Variants in ENOPH1 observed in about 807,000 individuals in gnomAD.
ENOPH1 encodes enolase-phosphatase 1, also known as enolase-phosphatase E1.
A neutral mutation model predicts 31.1 loss-of-function variants in ENOPH1; 14 were observed. The ratio of observed to expected loss-of-function variants is 0.45; its 90% CI spans 0.30 to 0.70. ENOPH1 has a LOEUF of 0.70. Among genes scored for constraint, ENOPH1 ranks in the 30% least tolerant of loss-of-function variants. The pLI is 0.09. For synonymous variants in ENOPH1, 127 were observed against 123.2 expected, an observed-to-expected ratio of 1.03 and a Z score of -0.21; for missense variants, 243 against 321.5, an observed-to-expected ratio of 0.76 and a Z score of 1.87.
chr4:82,446,867 C>T (rs534382708), intron 1 of ENOPH1, among the ~76,000 whole-genome samples: 7 of 147,006 alleles, frequency 4.8e-5, no homozygotes, highest in Admixed American at 2.0e-4. Flanking sequence ...CCACCGCGCC[C>T]GGCTAATTTT....
rs552128643 is a variant in ENOPH1 at position 82,430,967 on chromosome 4, T to C, written c.84+54T>C. ...ACTTTTCCTTAAAAACAGTTATTAT[T>C]TTTTCTAAGTATTTCAGGCCTTGCA... On this transcript the variant is annotated intron_variant, in intron 1 of 5. Transcript: ENST00000273920. 638 of 1,533,370 alleles carry C rather than the reference T, an allele frequency of 4.2e-4. 1 individual carries two copies. Among genetic ancestry groups the C allele is most frequent in the Non-Finnish European group, 5.5e-4 (606 of 1,109,514 alleles). 95.0% of individuals were successfully genotyped at this position (1,533,370 alleles called of 1,614,324 possible). A position where few individuals can be genotyped will look rare whatever the true frequency, so the allele number is the denominator to read the frequency against.
At chr4:82,434,382 G>A (rs1312020189) in intron 1 of ENOPH1, among the ~76,000 whole-genome samples, 3 of 152,156 alleles carry the variant, frequency 2.0e-5, no homozygotes, top group African/African-American at 4.8e-5. Context: ...TCAGGAGTTC[G>A]AGGCCAGCCT....
At chr4:82,443,253 A>G (rs575869268) in intron 1 of ENOPH1, among the ~76,000 whole-genome samples, 7 of 151,722 alleles carry the variant, frequency 4.6e-5, no homozygotes, top group Non-Finnish European at 1.0e-4. Flanking sequence ...CCTGGCTAAC[A>G]TGGCGAAACC....
At chr4:82,433,253 C>T (rs1721823153) in intron 1 of ENOPH1, among the ~76,000 whole-genome samples, 1 of 152,160 alleles carries the variant, frequency 6.6e-6, no homozygotes, top group African/African-American at 2.4e-5. Context: ...TACCCCTCCC[C>T]CACCTTTTTC....
chr4:82,431,285 G>A (rs952674258), intron 1 of ENOPH1, among the ~76,000 whole-genome samples: 15 of 152,264 alleles, frequency 9.9e-5, no homozygotes, highest in Admixed American at 8.5e-4. Flanking sequence ...GCTCCGTCGG[G>A]CCTGGTGTGG....
At chr4:82,441,265 G>A (rs1361135474) in intron 1 of ENOPH1, among the ~76,000 whole-genome samples, 3 of 152,176 alleles carry the variant, frequency 2.0e-5, no homozygotes, top group African/African-American at 7.2e-5. Context: ...GAAGAAGGAA[G>A]AGCAAAGGGA....
chr4:82,434,682 C>G (rs1560461964), intron 1 of ENOPH1, among the ~76,000 whole-genome samples: 1 of 151,848 alleles, frequency 6.6e-6, no homozygotes, highest in Admixed American at 6.6e-5. Flanking sequence ...CCACTGCCTT[C>G]CAGCCTGGGC....
intron 2 of ENOPH1, among the ~76,000 whole-genome samples, chr4:82,449,886 G>C (rs951119480): frequency 3.9e-5 from 6 of 152,052 alleles, no homozygotes; most frequent in African/African-American, 1.4e-4. Flanking sequence ...TTGGTCTCCT[G>C]TGCTTTGTTC....
At chr4:82,434,268 G>A (rs1181742314) in intron 1 of ENOPH1, among the ~76,000 whole-genome samples, 1 of 152,176 alleles carries the variant, frequency 6.6e-6, no homozygotes, top group East Asian at 1.9e-4. Context: ...TTTAATCAAT[G>A]TGAAGTACTG....
intron 1 of ENOPH1, among the ~76,000 whole-genome samples, chr4:82,432,889 C>T (rs1336965879): frequency 1.3e-5 from 2 of 152,174 alleles, no homozygotes; most frequent in Admixed American, 6.5e-5. Flanking sequence ...GGATTATAGG[C>T]GCGAGCCACC....
At chr4:82,437,625 G>A (rs1396707802) in intron 1 of ENOPH1, among the ~76,000 whole-genome samples, 1 of 152,186 alleles carries the variant, frequency 6.6e-6, no homozygotes, top group East Asian at 1.9e-4. Flanking sequence ...ACCTATTTAA[G>A]CAGGAATTTC....
At chr4:82,444,592 A>T (rs923768002) in intron 1 of ENOPH1, among the ~76,000 whole-genome samples, 2 of 152,212 alleles carry the variant, frequency 1.3e-5, no homozygotes, top group Admixed American at 1.3e-4. Flanking sequence ...GAACTTCTAA[A>T]CATTTACAAG....
At position 82,436,628 on chromosome 4, in the gene ENOPH1, A is replaced by G. The variant is rs1187911761; in HGVS notation, c.84+5715A>G. On this transcript the variant is annotated intron_variant, in intron 1 of 5. Coordinates refer to ENST00000273920, the MANE Select transcript of ENOPH1 (RefSeq NM_021204.5). ...TTTGAGCCCAGGAGGTCAAGGCTGC[A>G]GTAAGCCATGATCGTGCCACTGCAG... is the stretch of plus-strand genomic sequence containing the variant. 3.3e-5 allele frequency among the ~76,000 whole-genome samples: 5 copies of G among 151,654 alleles called. No individual in the cohort carries two copies. In the East Asian group the frequency reaches 9.7e-4, roughly 29 times the overall value.
chr4:82,440,922 G>A (rs979952511), intron 1 of ENOPH1, among the ~76,000 whole-genome samples: 8 of 152,120 alleles, frequency 5.3e-5, no homozygotes, highest in African/African-American at 1.4e-4. Flanking sequence ...CCATGAAGAC[G>A]AGGACAGTAG....
In ENOPH1 at chr4:82,460,208, A is replaced by C. The variant is rs2110049610; in HGVS notation, c.*88A>C. On this transcript the variant is annotated 3_prime_UTR_variant, in exon 6 of 6. Coordinates refer to ENST00000273920, the MANE Select transcript of ENOPH1 (RefSeq NM_021204.5). ...TTCTAATGGTAAAAGTAACTTACTT[A>C]AAAAACATATGTACACATATGTATG... The C allele has an allele frequency of 7.1e-7, 1 of 1,402,372 alleles. No homozygotes were observed. Among genetic ancestry groups the C allele is most frequent in the African/African-American group, 1.4e-5 (1 of 70,092 alleles). The allele number at this position is 1,402,372 out of a possible 1,614,324, so 86.9% of individuals were successfully genotyped here. A position where few individuals can be genotyped will look rare whatever the true frequency, so the allele number is the denominator to read the frequency against.
intron 3 of ENOPH1, among the ~76,000 whole-genome samples, chr4:82,454,363 A>G (rs1322744325): frequency 1.3e-5 from 2 of 152,210 alleles, no homozygotes; most frequent in Admixed American, 1.3e-4. Context: ...TTTTCTTGTC[A>G]TGAAGAACAT....
intron 1 of ENOPH1, among the ~76,000 whole-genome samples, chr4:82,446,534 G>A (rs1722188718): frequency 2.0e-5 from 3 of 152,088 alleles, no homozygotes; most frequent in African/African-American, 7.2e-5. Context: ...TGAGAAAACT[G>A]TGGCTCAGGA....
At chr4:82,433,054 G>T (rs562185240) in intron 1 of ENOPH1, among the ~76,000 whole-genome samples, 1 of 152,062 alleles carries the variant, frequency 6.6e-6, no homozygotes, top group Non-Finnish European at 1.5e-5. Context: ...CCTCATTTTT[G>T]TAATTTATAG....
intron 1 of ENOPH1, among the ~76,000 whole-genome samples, chr4:82,437,372 C>CTG (rs974660467): frequency 6.6e-6 from 1 of 152,216 alleles, no homozygotes; most frequent in Non-Finnish European, 1.5e-5. Context: ...CTCTCACTGG[C>CTG]TGTGAGATGA....
Sources: gnomAD v4.1 joint callset for allele counts (sites outside exome capture counted in the v4.1 genomes callset) on GRCh38, gnomAD v4.1.1 for gene constraint, MANE v1.5 for transcripts, NCBI Gene and HGNC (gene_info 2026-07-23, HGNC 2026-07-21) for gene names.